Variants in TMEM91 observed in about 807,000 individuals in gnomAD.
The protein encoded by TMEM91 is dispanin subfamily C member 3.
In TMEM91, 6 loss-of-function variants were observed where a neutral mutation model predicts 13.3. The ratio of observed to expected loss-of-function variants is 0.45; its 90% CI spans 0.25 to 0.89. The LOEUF is 0.89. Among genes scored for constraint, TMEM91 ranks in the 40% least tolerant of loss-of-function variants. The probability of loss-of-function intolerance (pLI) is 0.19; values close to 1 mark genes in which losing one functional copy is unlikely to be tolerated. For missense variants in TMEM91, 193 were observed against 228.7 expected (o/e 0.84, Z 1.01); for synonymous variants, 87 against 101.7 (o/e 0.86, Z 0.87).
intron 1 of TMEM91, among the ~76,000 whole-genome samples, chr19:41,367,482 T>C (rs1426472711): frequency 6.6e-6 from 1 of 151,522 alleles, no homozygotes; most frequent in Non-Finnish European, 1.5e-5. Flanking sequence ...AATACAAAAA[T>C]TAGCTGGGCA....
Position 41,383,702 on chromosome 19 carries a change from A to C in TMEM91, c.361-13A>C, listed in dbSNP as rs761138502. The C allele has an allele frequency of 1.9e-6, 3 of 1,612,622 alleles. No homozygotes were observed. The highest frequency in any genetic ancestry group is 1.1e-5 in the South Asian group (1 of 90,966). On this transcript the variant is annotated splice_polypyrimidine_tract_variant and intron_variant, in intron 3 of 3. Coordinates refer to ENST00000392002, the MANE Select transcript of TMEM91 (RefSeq NM_001098821.2). ...GGGGATGCCTGGGTCACTGCTGCCC[A>C]CTGCCTCTACAGACCAACAAGGCTT...
intron 1 of TMEM91, among the ~76,000 whole-genome samples, chr19:41,368,492 T>C (rs1336796097): frequency 6.6e-6 from 1 of 151,670 alleles, no homozygotes; most frequent in Non-Finnish European, 1.5e-5. Flanking sequence ...TCACAGCAAC[T>C]TCTGCCTCCC....
chr19:41,366,171 G>C (rs761786403), intron 1 of TMEM91, among the ~76,000 whole-genome samples: 5 of 149,402 alleles, frequency 3.3e-5, no homozygotes, highest in Admixed American at 6.8e-5. Context: ...AGCTGGAGCT[G>C]GGGAAAATGT....
Position 41,383,928 on chromosome 19 carries a change from G to A in TMEM91, c.*55G>A, listed in dbSNP as rs1458131808. ...GAGGCCGGCAGCCCAGCAAATCTGT[G>A]GGCAGAGAGTGGAGAATCTTGGTGG... On this transcript the variant is annotated 3_prime_UTR_variant, in exon 4 of 4. Transcript: ENST00000392002. 2 of 1,574,820 alleles carry A rather than the reference G, an allele frequency of 1.3e-6. No homozygotes were observed. The highest frequency in any genetic ancestry group is 2.0e-5 in the Admixed American group (1 of 50,678).
chr19:41,380,716 C>G (rs943279508), intron 2 of TMEM91, among the ~76,000 whole-genome samples: 1 of 152,030 alleles, frequency 6.6e-6, no homozygotes, highest in African/African-American at 2.4e-5. Context: ...CGAGACCAGC[C>G]TGGCCAACAT....
At chr19:41,375,830 A>G (rs571991636), upstream of TMEM91, among the ~76,000 whole-genome samples, 1 of 151,470 alleles carries the variant, frequency 6.6e-6, no homozygotes, top group African/African-American at 2.4e-5. Context: ...ATAATAATAA[A>G]AAAAAAATCT....
chr19:41,365,852 A>C (rs2038515928), intron 1 of TMEM91, among the ~76,000 whole-genome samples: 1 of 150,222 alleles, frequency 6.7e-6, no homozygotes, highest in Admixed American at 6.7e-5. Flanking sequence ...CTGGGATTGC[A>C]GGCACCCACC....
In TMEM91 at chr19:41,382,956, C is replaced by T. The variant is rs934871249; in HGVS notation, c.360+35C>T. 4 of 1,205,884 alleles carry T rather than the reference C, an allele frequency of 3.3e-6. No homozygotes were observed. In the African/African-American group the frequency reaches 5.8e-5, roughly 18 times the overall value. 74.7% of individuals were successfully genotyped at this position (1,205,884 alleles called of 1,614,324 possible). ...TGTGTGGGACTTGGAGGGGACTGGG[C>T]ATAAAAGAGAAAAATGCACCACAAA... On this transcript the variant is annotated intron_variant, in intron 3 of 3. Transcript: ENST00000392002.
At chr19:41,382,095 G>A (rs908132997) in intron 2 of TMEM91, among the ~76,000 whole-genome samples, 5 of 151,832 alleles carry the variant, frequency 3.3e-5, no homozygotes, top group African/African-American at 4.8e-5. Flanking sequence ...CCCAACTCTC[G>A]ACCTCAGGTG....
upstream of TMEM91, among the ~76,000 whole-genome samples, chr19:41,375,942 C>T (rs1188821232): frequency 1.3e-5 from 2 of 151,892 alleles, no homozygotes; most frequent in Non-Finnish European, 2.9e-5. Context: ...ACCAACACAG[C>T]GAAATCTCAT....
intron 1 of TMEM91, among the ~76,000 whole-genome samples, chr19:41,370,767 A>G (rs2038603562): frequency 1.3e-5 from 2 of 150,958 alleles, no homozygotes; most frequent in Admixed American, 6.6e-5. Context: ...TAGCAACGTG[A>G]TCTCTGTTCA....
At chr19:41,368,998 C>G (rs1328908991) in intron 1 of TMEM91, among the ~76,000 whole-genome samples, 1 of 151,994 alleles carries the variant, frequency 6.6e-6, no homozygotes, top group Non-Finnish European at 1.5e-5. Context: ...CCCCTGTAGT[C>G]CCAGCTACTC....
intron 1 of TMEM91, among the ~76,000 whole-genome samples, chr19:41,369,324 C>T (rs1391677460): frequency 6.6e-6 from 1 of 152,042 alleles, no homozygotes; most frequent in African/African-American, 2.4e-5. Context: ...ATTGAAGGCA[C>T]CTGCCGCCAC....
At chr19:41,367,928 G>A (rs1295572856) in intron 1 of TMEM91, among the ~76,000 whole-genome samples, 4 of 152,082 alleles carry the variant, frequency 2.6e-5, no homozygotes, top group East Asian at 3.9e-4. Flanking sequence ...CACAACACCC[G>A]GCCTAGGAGT....
intron 2 of TMEM91, among the ~76,000 whole-genome samples, chr19:41,381,392 A>C (rs1599932522): frequency 3.2e-5 from 4 of 126,204 alleles, no homozygotes; most frequent in Admixed American, 9.3e-5. Context: ...ATGGAGTCTC[A>C]CTCTGTCGCC....
chr19:41,383,592 A>C, intron 3 of TMEM91, 123 bp from the exon 4 acceptor site: 1 of 1,613,990 alleles, frequency 6.2e-7, no homozygotes, highest in African/African-American at 1.3e-5. Context: ...AGTAGGTGCT[A>C]CGTATCTGCT....
At chr19:41,379,888 C>CTTTTTTT (rs59525203) in intron 2 of TMEM91, among the ~76,000 whole-genome samples, 1 of 75,136 alleles carries the variant, frequency 1.3e-5, no homozygotes, top group African/African-American at 5.8e-5. Flanking sequence ...TTAGGGCTTC[C>CTTTTTTT]TTTTTTTTTT....
intron 2 of TMEM91, among the ~76,000 whole-genome samples, chr19:41,382,066 A>G (rs990897683): frequency 1.3e-5 from 2 of 150,836 alleles, no homozygotes; most frequent in African/African-American, 4.9e-5. Context: ...AGGTTTCACC[A>G]TGTTGGCCAG....
At chr19:41,376,199 T>G (rs2038714866), upstream of TMEM91, 1 of 152,228 alleles carries the variant, frequency 6.6e-6, no homozygotes, top group South Asian at 2.1e-4. Context: ...AACCCGGAGC[T>G]GAGAGGAAGA....
Sources: allele counts gnomAD v4.1 joint callset (sites outside exome capture counted in the v4.1 genomes callset), GRCh38; gene constraint gnomAD v4.1.1; transcripts MANE v1.5; gene names NCBI Gene and HGNC (gene_info 2026-07-23, HGNC 2026-07-21).